The following NFIA variants were observed in gnomAD, a reference collection of about 807,000 sequenced individuals.
The protein encoded by NFIA is nuclear factor I A, also known as nuclear factor 1 A-type.
In NFIA, 8 loss-of-function variants were observed where a neutral mutation model predicts 62.8. The observed-to-expected ratio is 0.13, with a 90% CI of 0.07 to 0.23. NFIA has a LOEUF of 0.23. Among genes scored for constraint, NFIA ranks in the 10% least tolerant of loss-of-function variants. The pLI, the probability that NFIA is intolerant of heterozygous loss-of-function variation, is 1.00. For synonymous variants in NFIA, 235 were observed against 238.1 expected, an observed-to-expected ratio of 0.99 and a Z score of 0.12; for missense variants, 410 against 642.1, an observed-to-expected ratio of 0.64 and a Z score of 3.91.
intron 3 of NFIA, among the ~76,000 whole-genome samples, chr1:61,317,619 A>AT (rs1163384662): frequency 6.6e-6 from 1 of 151,962 alleles, no homozygotes; most frequent in Non-Finnish European, 1.5e-5. Context: ...TTAGAAAATA[A>AT]TTTTTTTACT....
intron 4 of NFIA, among the ~76,000 whole-genome samples, chr1:61,341,914 A>T (rs556659457): frequency 3.3e-5 from 5 of 152,304 alleles, no homozygotes; most frequent in Non-Finnish European, 7.4e-5. Context: ...GAGAAATCCT[A>T]TATTACCCTG....
intron 10 of NFIA, among the ~76,000 whole-genome samples, chr1:61,430,411 A>G (rs571231199): frequency 6.6e-6 from 1 of 152,348 alleles, no homozygotes; most frequent in Admixed American, 6.5e-5. Context: ...ACATTTCTGT[A>G]TAAATCCATC....
At position 61,126,921 on chromosome 1, in the gene NFIA, A is replaced by G. The variant is rs528359256; in HGVS notation, c.559+38241A>G. Among the ~76,000 whole-genome samples the G allele has an allele frequency of 2.0e-4, 30 of 148,694 alleles. No homozygotes were observed. In the South Asian group the frequency reaches 5.4e-3, roughly 27 times the overall value. ...TGCCTCAGCCTCCTGAGTAGCTGGG[A>G]CTACAGATGTGTACCACCACGTCCG... On this transcript the variant is annotated intron_variant, in intron 2 of 10. Transcript: ENST00000403491.
intron 5 of NFIA, among the ~76,000 whole-genome samples, chr1:61,354,457 C>T (rs991416297): frequency 5.9e-5 from 9 of 152,136 alleles, no homozygotes; most frequent in Non-Finnish European, 1.0e-4. Flanking sequence ...CTGTGGCAGG[C>T]ACCATATTAG....
chr1:61,315,593 A>T (rs937834352), intron 3 of NFIA, among the ~76,000 whole-genome samples: 9 of 152,164 alleles, frequency 5.9e-5, no homozygotes, highest in African/African-American at 2.2e-4. Context: ...ACAGATATTC[A>T]ATAAAGTATC....
upstream of NFIA, among the ~76,000 whole-genome samples, chr1:61,078,749 T>G (rs1646061897): frequency 1.3e-5 from 2 of 152,230 alleles, no homozygotes. Flanking sequence ...AATAGGACGT[T>G]AAGACTGGCC....
intron 2 of NFIA, among the ~76,000 whole-genome samples, chr1:61,163,563 C>T (rs752640293): frequency 6.6e-6 from 1 of 151,916 alleles, no homozygotes; most frequent in African/African-American, 2.4e-5. Flanking sequence ...GTTTTTAGAC[C>T]TAACTAGTAT....
Position 61,227,861 on chromosome 1 carries a change from T to G in NFIA, c.560-49659T>G, listed in dbSNP as rs188978420. On this transcript the variant is annotated intron_variant, in intron 2 of 10. Transcript: ENST00000403491. Reference sequence around the variant, plus strand: ...TGTTTCAGATTCATTATCTCAGGTTTTAAATGAGGAAAGCTGTGAATATTT... The same window carrying G: ...TGTTTCAGATTCATTATCTCAGGTTGTAAATGAGGAAAGCTGTGAATATTT... Among the ~76,000 whole-genome samples, 6 of 152,334 alleles carry G rather than the reference T, an allele frequency of 3.9e-5. No individual in the cohort carries two copies. The East Asian group carries it at 1.2e-3, about 29-fold the overall frequency.
At chr1:61,215,021 A>C (rs1653523631) in intron 2 of NFIA, among the ~76,000 whole-genome samples, 1 of 150,986 alleles carries the variant, frequency 6.6e-6, no homozygotes, top group African/African-American at 2.5e-5. Context: ...TCATAGTACC[A>C]CTTCTTCAAC....
intron 4 of NFIA, among the ~76,000 whole-genome samples, chr1:61,349,762 T>G (rs561060055): frequency 6.7e-6 from 1 of 149,648 alleles, no homozygotes; most frequent in South Asian, 2.1e-4. Flanking sequence ...AAAAAAAATA[T>G]TTTTTTTTTC....
rs1361722239 is a variant in NFIA at position 61,154,036 on chromosome 1, A to G, written c.559+65356A>G. Among the ~76,000 whole-genome samples, 5 of 152,246 alleles carry G rather than the reference A, an allele frequency of 3.3e-5. No individual in the cohort carries two copies. The East Asian group carries it at 9.6e-4, about 29-fold the overall frequency. ...AATTTGTTAAAAGGATTGGGAGACA[A>G]TTTGAAAACTTGGCTCTCCAGTTAA... On this transcript the variant is annotated intron_variant, in intron 2 of 10. Coordinates refer to ENST00000403491, the MANE Select transcript of NFIA (RefSeq NM_001134673.4).
intron 2 of NFIA, among the ~76,000 whole-genome samples, chr1:61,147,179 C>A (rs1167987262): frequency 6.6e-6 from 1 of 150,818 alleles, no homozygotes; most frequent in Non-Finnish European, 1.5e-5. Context: ...GAGATGGCGT[C>A]TTGCTCTGTT....
intron 3 of NFIA, among the ~76,000 whole-genome samples, chr1:61,314,327 A>C (rs564292437): frequency 1.2e-4 from 19 of 152,312 alleles, no homozygotes; most frequent in African/African-American, 4.3e-4. Flanking sequence ...TGAAGGTCAA[A>C]GAGGTACACT....
chr1:61,363,657 A>G (rs1663426300), intron 6 of NFIA, among the ~76,000 whole-genome samples: 1 of 152,034 alleles, frequency 6.6e-6, no homozygotes, highest in Non-Finnish European at 1.5e-5. Context: ...GAGAGACCTG[A>G]AAAATATTCG....
intron 6 of NFIA, among the ~76,000 whole-genome samples, chr1:61,377,228 A>C (rs1179749366): frequency 1.3e-5 from 2 of 152,060 alleles, no homozygotes; most frequent in Non-Finnish European, 1.5e-5. Flanking sequence ...ATCTCAAAAA[A>C]AAGAAAGAAA....
intron 2 of NFIA, among the ~76,000 whole-genome samples, chr1:61,229,806 A>G (rs1204985864): frequency 6.6e-6 from 1 of 152,244 alleles, no homozygotes; most frequent in East Asian, 1.9e-4. Flanking sequence ...ACAATTTAGC[A>G]TTGATTCCAA....
chr1:61,394,694 C>T (rs11207737), intron 7 of NFIA, among the ~76,000 whole-genome samples: 36,830 of 152,086 alleles, frequency 0.24, 4,587 homozygotes, highest in African/African-American at 0.31. Flanking sequence ...ACTTTAATCA[C>T]TAGACTGATT....
intron 3 of NFIA, among the ~76,000 whole-genome samples, chr1:61,286,462 T>C (rs888078480): frequency 1.3e-5 from 2 of 151,342 alleles, no homozygotes; most frequent in Non-Finnish European, 2.9e-5. Flanking sequence ...GCTGGATATA[T>C]TTGGACTAGG....
intron 2 of NFIA, among the ~76,000 whole-genome samples, chr1:61,205,023 A>T (rs1652803080): frequency 6.6e-6 from 1 of 152,202 alleles, no homozygotes; most frequent in Non-Finnish European, 1.5e-5. Context: ...GTATACACTG[A>T]TGGATTTAAA....
Sources: allele counts gnomAD v4.1 joint callset (sites outside exome capture counted in the v4.1 genomes callset), GRCh38; gene constraint gnomAD v4.1.1; transcripts MANE v1.5; gene names NCBI Gene and HGNC (gene_info 2026-07-23, HGNC 2026-07-21).